The following REP15 variants were observed in gnomAD, a reference collection of about 807,000 sequenced individuals.
The protein encoded by REP15 is RAB15 effector protein.
A neutral mutation model predicts 1.1 loss-of-function variants in REP15; 1 was observed. The observed-to-expected ratio is 0.89, with a 90% CI of 0.32 to 4.24. REP15 has a LOEUF of 4.24. REP15 is among the 30% of genes most tolerant of loss of function. The pLI is 0.17. For synonymous variants in REP15, 100 were observed against 99.7 expected, an observed-to-expected ratio of 1.00 and a Z score of -0.02; for missense variants, 246 against 271.9, an observed-to-expected ratio of 0.90 and a Z score of 0.67.
Position 27,697,431 on chromosome 12 carries a change from C to A in REP15, c.*158C>A. The A allele has an allele frequency of 1.9e-6, 1 of 513,848 alleles. No homozygotes were observed. Among genetic ancestry groups the A allele is most frequent in the Non-Finnish European group, 3.5e-6 (1 of 285,022 alleles). 31.8% of individuals were successfully genotyped at this position (513,848 alleles called of 1,614,324 possible). ...CTGGGATCAAAGTACATTCATGTCG[C>A]AATTACAGAGAGAGAGAGAAAAAAA... is the stretch of plus-strand genomic sequence containing the variant. On this transcript the variant is annotated 3_prime_UTR_variant, in exon 1 of 1. Transcript: ENST00000310791.
At position 27,696,667 on chromosome 12, in the gene REP15, G is replaced by T. The variant is rs1222722066; in HGVS notation, c.105G>T (p.Leu35=). The stretch of plus-strand genomic sequence containing the variant: ...CTATAGTCCATGCAGCTCAGAAACT[G>T]AAGGAGTACCTTGGATTTGAATATC... ...SEAIVHAAQK[L]KEYLGFEYPP... is the part of the protein sequence containing the mutation. The change falls in exon 1 of 1, where the codon CTG becomes CTT. Residue 35 remains leucine (L), a synonymous_variant. Transcript: ENST00000310791. 6.2e-7 allele frequency: 1 copy of T among 1,614,152 alleles called. No homozygotes were observed.
In REP15 at chr12:27,697,245, T is replaced by C. The variant is rs759893944; in HGVS notation, c.683T>C (p.Val228Ala). 5 of 1,613,050 alleles carry C rather than the reference T, an allele frequency of 3.1e-6. No individual in the cohort carries two copies. Among genetic ancestry groups the C allele is most frequent in the Non-Finnish European group, 4.2e-6 (5 of 1,179,166 alleles). ...AGTAAGAAAGACGGGCTGAGAGAGGTGGGCAAGGTTTATATCAGCATTCTC... is the reference window on the plus strand; with the variant it reads ...AGTAAGAAAGACGGGCTGAGAGAGGCGGGCAAGGTTTATATCAGCATTCTC... ...CLSKKDGLRE[V>A]GKVYISIL is the part of the protein sequence containing the mutation. The change falls in exon 1 of 1, where the codon GTG (valine) becomes GCG (alanine). Residue 228 changes from valine to alanine, a missense_variant. Transcript: ENST00000310791.
Position 27,697,252 on chromosome 12 carries a change from G to A in REP15, c.690G>A (p.Lys230=). The change falls in exon 1 of 1, where the codon AAG becomes AAA. Residue 230 remains lysine, a synonymous_variant. Transcript: ENST00000310791. ...SKKDGLREVG[K]VYISIL ...AAGACGGGCTGAGAGAGGTGGGCAA[G>A]GTTTATATCAGCATTCTCTGACTTG... is the stretch of plus-strand genomic sequence containing the variant. 6.2e-7 allele frequency: 1 copy of A among 1,610,910 alleles called. No homozygotes were observed.
In REP15 at chr12:27,696,644, A is replaced by G. The variant is rs2061731190; in HGVS notation, c.82A>G (p.Ile28Val). The G allele has an allele frequency of 6.2e-7, 1 of 1,614,204 alleles. No individual in the cohort carries two copies. The highest frequency in any genetic ancestry group is 8.5e-7 in the Non-Finnish European group (1 of 1,180,018). ...CGTCTGTGAGGTGGTCAGTGAAGCT[A>G]TAGTCCATGCAGCTCAGAAACTGAA... is the stretch of plus-strand genomic sequence containing the variant. ...PVVCEVVSEA[I>V]VHAAQKLKEY... Residue 28 changes from isoleucine (I) to valine (V), a missense_variant, in exon 1 of 1, where the codon ATA becomes GTA. Ile to Val is a conservative substitution (Grantham distance 29, BLOSUM62 3). Coordinates refer to ENST00000310791, the MANE Select transcript of REP15 (RefSeq NM_001029874.3).
Position 27,696,872 on chromosome 12 carries a change from A to G in REP15, c.310A>G (p.Ile104Val). The G allele has an allele frequency of 1.2e-6, 2 of 1,614,092 alleles. No homozygotes were observed. The highest frequency in any genetic ancestry group is 2.2e-5 in the South Asian group (2 of 91,078). Residue 104 changes from isoleucine (I) to valine (V), a missense_variant, in exon 1 of 1, where the codon ATA becomes GTA. By Grantham distance (29) the Ile-to-Val change is conservative. Coordinates refer to ENST00000310791, the MANE Select transcript of REP15 (RefSeq NM_001029874.3). ...GACCTTTTGGGGATCCAACAAGCAA[A>G]TAAAGCTTCAGCTCGCAGTACAGAC... Reference protein sequence around the residue: ...IWTFWGSNKQIKLQLAVQTLQ... With the variant: ...IWTFWGSNKQVKLQLAVQTLQ...
Position 27,697,157 on chromosome 12 carries a change from G to A in REP15, c.595G>A (p.Ala199Thr), listed in dbSNP as rs2061737890. Residue 199 changes from alanine (A) to threonine (T), a missense_variant, in exon 1 of 1, where the codon GCT becomes ACT. By Grantham distance (58) the Ala-to-Thr change is moderately conservative. Coordinates refer to ENST00000310791, the MANE Select transcript of REP15 (RefSeq NM_001029874.3). ...RSHLPGGKAV[A>T]QFVLETEDCV... ...CCATCTGCCAGGAGGGAAGGCTGTG[G>A]CTCAGTTTGTCCTGGAAACTGAAGA... 6.2e-7 allele frequency: 1 copy of A among 1,613,984 alleles called. No individual in the cohort carries two copies. The highest frequency in any genetic ancestry group is 1.3e-5 in the African/African-American group (1 of 75,044).
At position 27,696,489 on chromosome 12, in the gene REP15, C is replaced by T. The variant is rs74074227; in HGVS notation, c.-74C>T. 10,613 of 1,214,256 alleles carry T rather than the reference C, an allele frequency of 8.7e-3. 653 individuals are homozygous for T. In the African/African-American group the frequency reaches 0.14, roughly 16 times the overall value. 75.2% of individuals were successfully genotyped at this position (1,214,256 alleles called of 1,614,324 possible). The stretch of plus-strand genomic sequence containing the variant: ...TGAACCATTAACAGATGTGGCCTCC[C>T]TGCAGAACTTTTACTTTGAAAAAGA... On this transcript the variant is annotated 5_prime_UTR_variant, in exon 1 of 1. Coordinates refer to ENST00000310791, the MANE Select transcript of REP15 (RefSeq NM_001029874.3).
In REP15 at chr12:27,696,539, G is replaced by T; in HGVS notation, c.-24G>T. The stretch of plus-strand genomic sequence containing the variant: ...AAGTACGTCTGAACCAGATTCACAT[G>T]TTTGATATTTGGATGCAGAGAAAAT... On this transcript the variant is annotated 5_prime_UTR_variant, in exon 1 of 1. It removes an upstream start codon present in the reference 5' UTR. Transcript: ENST00000310791. 1 of 1,562,494 alleles carries T rather than the reference G, an allele frequency of 6.4e-7. No homozygotes were observed.
In REP15 at chr12:27,697,507, AT is replaced by A. The variant is rs779216733; in HGVS notation, c.*237del. On this transcript the variant is annotated 3_prime_UTR_variant, in exon 1 of 1. Coordinates refer to ENST00000310791, the MANE Select transcript of REP15 (RefSeq NM_001029874.3). ...TAAAAACAGTTCAGGAAAAGTTATA[AT>A]TTAGTTTAATATTTCATTCACTTAT... 2.7e-4 allele frequency: 100 copies of A among 363,720 alleles called. No homozygotes were observed. Among genetic ancestry groups the A allele is most frequent in the Non-Finnish European group, 4.6e-4 (90 of 193,980 alleles). 22.5% of individuals were successfully genotyped at this position (363,720 alleles called of 1,614,324 possible). A position where few individuals can be genotyped will look rare whatever the true frequency, so the allele number is the denominator to read the frequency against.
At position 27,696,980 on chromosome 12, in the gene REP15, T is replaced by C. The variant is rs2061736064; in HGVS notation, c.418T>C (p.Trp140Arg). 6.2e-7 allele frequency: 1 copy of C among 1,614,078 alleles called. No individual in the cohort carries two copies. Residue 140 changes from tryptophan (W) to arginine (R), a missense_variant, in exon 1 of 1, where the codon TGG becomes CGG. Coordinates refer to ENST00000310791, the MANE Select transcript of REP15 (RefSeq NM_001029874.3). ...AGAATCAAGGGTAGAGGAGTCTTCC[T>C]GGAAGAAAAGTAGATTTGATAAGCT... is the stretch of plus-strand genomic sequence containing the variant. ...NPESRVEESS[W>R]KKSRFDKLEE... is the part of the protein sequence containing the mutation.
rs545245616 is a variant in REP15 at position 27,697,315 on chromosome 12, A to G, written c.*42A>G. ...GTGAGTGGCCTGTAAGAGGAAAAGA[A>G]AAAAAGATTCTAATAAGCAAGCTCA... On this transcript the variant is annotated 3_prime_UTR_variant, in exon 1 of 1. Transcript: ENST00000310791. 3.0e-5 allele frequency: 37 copies of G among 1,230,564 alleles called. No individual in the cohort carries two copies. In the South Asian group the frequency reaches 4.9e-4, roughly 16 times the overall value. The allele number at this position is 1,230,564 out of a possible 1,614,324, so 76.2% of individuals were successfully genotyped here. A position where few individuals can be genotyped will look rare whatever the true frequency, so the allele number is the denominator to read the frequency against.
chr12:27,697,204 G>A lies in REP15; in HGVS notation c.642G>A (p.Leu214=). Reference sequence around the variant, plus strand: ...AAGATTGTGTGTTCATCAAAGAGCTGCTCAGAAATTGTCTGAGTAAGAAAG... The same window carrying A: ...AAGATTGTGTGTTCATCAAAGAGCTACTCAGAAATTGTCTGAGTAAGAAAG... ...ETEDCVFIKE[L]LRNCLSKKDG... The change falls in exon 1 of 1, where the codon CTG becomes CTA. Residue 214 remains leucine (L), a synonymous_variant. Transcript: ENST00000310791. 2 of 1,614,170 alleles carry A rather than the reference G, an allele frequency of 1.2e-6. No individual in the cohort carries two copies. The highest frequency in any genetic ancestry group is 1.7e-5 in the Admixed American group (1 of 60,024).
Position 27,697,015 on chromosome 12 carries a change from C to A in REP15, c.453C>A (p.Phe151Leu), listed in dbSNP as rs2061736429. 6.2e-7 allele frequency: 1 copy of A among 1,613,974 alleles called. No individual in the cohort carries two copies. Among genetic ancestry groups the A allele is most frequent in the Non-Finnish European group, 8.5e-7 (1 of 1,179,866 alleles). Residue 151 changes from phenylalanine (F) to leucine (L), a missense_variant, in exon 1 of 1, where the codon TTC becomes TTA. Physicochemically the swap from Phe to Leu is conservative, Grantham distance 22. Coordinates refer to ENST00000310791, the MANE Select transcript of REP15 (RefSeq NM_001029874.3). ...KKSRFDKLEE[F>L]CNLIGEDCLG... ...GTAGATTTGATAAGCTGGAAGAATT[C>A]TGTAACTTAATAGGAGAGGATTGCC...
In REP15 at chr12:27,696,615, C is replaced by T. The variant is rs2061730511; in HGVS notation, c.53C>T (p.Pro18Leu). The T allele has an allele frequency of 1.9e-6, 3 of 1,612,904 alleles. 1 individual carries two copies. The Admixed American group carries it at 5.0e-5, about 27-fold the overall frequency. ...GCTCTGAAGGACAGCAAAGAGGTGC[C>T]CGTCGTCTGTGAGGTGGTCAGTGAA... The part of the protein sequence containing the change: ...QLALKDSKEV[P>L]VVCEVVSEAI... The change falls in exon 1 of 1, where the codon CCC becomes CTC. Residue 18 changes from proline (P) to leucine (L), a missense_variant. Coordinates refer to ENST00000310791, the MANE Select transcript of REP15 (RefSeq NM_001029874.3).
In REP15 at chr12:27,696,490, T is replaced by C; in HGVS notation, c.-73T>C. ...GAACCATTAACAGATGTGGCCTCCC[T>C]GCAGAACTTTTACTTTGAAAAAGAA... On this transcript the variant is annotated 5_prime_UTR_variant, in exon 1 of 1. Coordinates refer to ENST00000310791, the MANE Select transcript of REP15 (RefSeq NM_001029874.3). 8.1e-7 allele frequency: 1 copy of C among 1,231,504 alleles called. No individual in the cohort carries two copies. Among genetic ancestry groups the C allele is most frequent in the Non-Finnish European group, 1.1e-6 (1 of 888,388 alleles). The allele number at this position is 1,231,504 out of a possible 1,614,324, so 76.3% of individuals were successfully genotyped here.
At position 27,696,884 on chromosome 12, in the gene REP15, C is replaced by T; in HGVS notation, c.322C>T (p.Leu108Phe). ...WGSNKQIKLQ[L>F]AVQTLQMSSP... The stretch of plus-strand genomic sequence containing the variant: ...ATCCAACAAGCAAATAAAGCTTCAG[C>T]TCGCAGTACAGACTCTGCAGATGTC... The change falls in exon 1 of 1, where the codon CTC (leucine) becomes TTC (phenylalanine). Residue 108 changes from leucine to phenylalanine, a missense_variant. By Grantham distance (22) the Leu-to-Phe change is conservative (BLOSUM62 0). Coordinates refer to ENST00000310791, the MANE Select transcript of REP15 (RefSeq NM_001029874.3). 1 of 1,614,080 alleles carries T rather than the reference C, an allele frequency of 6.2e-7. No individual in the cohort carries two copies. Among genetic ancestry groups the T allele is most frequent in the Non-Finnish European group, 8.5e-7 (1 of 1,179,962 alleles).
Position 27,697,178 on chromosome 12 carries a change from G to C in REP15, c.616G>C (p.Glu206Gln). The C allele has an allele frequency of 6.2e-7, 1 of 1,614,164 alleles. No individual in the cohort carries two copies. Among genetic ancestry groups the C allele is most frequent in the Non-Finnish European group, 8.5e-7 (1 of 1,180,002 alleles). ...TGTGGCTCAGTTTGTCCTGGAAACTGAAGATTGTGTGTTCATCAAAGAGCT... is the reference window on the plus strand; with the variant it reads ...TGTGGCTCAGTTTGTCCTGGAAACTCAAGATTGTGTGTTCATCAAAGAGCT... The part of the protein sequence containing the change: ...KAVAQFVLET[E>Q]DCVFIKELLR... The change falls in exon 1 of 1, where the codon GAA (glutamate) becomes CAA (glutamine). Residue 206 changes from glutamate to glutamine, a missense_variant. By Grantham distance (29) the Glu-to-Gln change is conservative (BLOSUM62 2). Transcript: ENST00000310791.
rs1208908115 is a variant in REP15 at position 27,696,691 on chromosome 12, T to A, written c.129T>A (p.Tyr43Ter). The change falls in exon 1 of 1, where the codon TAT (tyrosine) becomes TAA (stop). Residue 43 changes from tyrosine to a stop codon, truncating the protein, a stop_gained. Transcript: ENST00000310791. LOFTEE classifies it low-confidence loss of function (END_TRUNC). ...TGAAGGAGTACCTTGGATTTGAATA[T>A]CCTCCAAGTAAACTCTGCCCAGCTG... ...QKLKEYLGFE[Y>*]PPSKLCPAAN... The A allele has an allele frequency of 6.2e-7, 1 of 1,614,046 alleles. No individual in the cohort carries two copies. Among genetic ancestry groups the A allele is most frequent in the Non-Finnish European group, 8.5e-7 (1 of 1,179,932 alleles).
Position 27,697,531 on chromosome 12 carries a change from T to A in REP15, c.*258T>A, listed in dbSNP as rs2061742478. ...AATTTAGTTTAATATTTCATTCACTTATTCAATAATAAAAATGGAAGAGAG... is the reference window on the plus strand; with the variant it reads ...AATTTAGTTTAATATTTCATTCACTAATTCAATAATAAAAATGGAAGAGAG... On this transcript the variant is annotated 3_prime_UTR_variant, in exon 1 of 1. Coordinates refer to ENST00000310791, the MANE Select transcript of REP15 (RefSeq NM_001029874.3). 3.3e-6 allele frequency: 1 copy of A among 305,822 alleles called. No individual in the cohort carries two copies. Among genetic ancestry groups the A allele is most frequent in the African/African-American group, 2.2e-5 (1 of 46,084 alleles). 18.9% of individuals were successfully genotyped at this position (305,822 alleles called of 1,614,324 possible). A position where few individuals can be genotyped will look rare whatever the true frequency, so the allele number is the denominator to read the frequency against.
Sources: gnomAD v4.1 joint callset for allele counts on GRCh38, gnomAD v4.1.1 for gene constraint, MANE v1.5 for transcripts, NCBI Gene and HGNC (gene_info 2026-07-23, HGNC 2026-07-21) for gene names.